The following CTDP1 variants were observed in gnomAD, a reference collection of about 807,000 sequenced individuals.
CTDP1 encodes CTD phosphatase 1.
In CTDP1, 47 loss-of-function variants were observed where a neutral mutation model predicts 91.8. The observed-to-expected ratio is 0.51, with a 90% CI of 0.41 to 0.65. CTDP1 has a LOEUF of 0.65. Ranked by LOEUF, CTDP1 falls within the 30% of genes least tolerant of loss-of-function variation. CTDP1 has a pLI of 0.00. For synonymous variants in CTDP1, 656 were observed against 598.5 expected (o/e 1.10, Z -1.40); for missense variants, 1,272 against 1,373.7 (o/e 0.93, Z 1.17).
rs374774711 is a variant in CTDP1, at chr18:79,715,431, T to C, written c.1971T>C (p.His657=). Residue 657 remains histidine (H), a synonymous_variant, in exon 8 of 13, where the codon CAT becomes CAC. Coordinates refer to ENST00000613122, the MANE Select transcript of CTDP1 (RefSeq NM_004715.5). ...TCCCGATAGAGAAGACGCGGGAGCA[T>C]TACCACGCCACGGCGCTGGGAGCGA... ...TNFPIEKTRE[H]YHATALGAKI... is the part of the protein sequence containing the mutation. 6.3e-7 allele frequency: 1 copy of C among 1,597,598 alleles called. No homozygotes were observed. Among genetic ancestry groups the C allele is most frequent in the Non-Finnish European group, 8.5e-7 (1 of 1,172,132 alleles).
chr18:79,690,754 C>G (rs1490778449), intron 1 of CTDP1, among the ~76,000 whole-genome samples: 1 of 152,228 alleles, frequency 6.6e-6, no homozygotes, highest in Non-Finnish European at 1.5e-5. Flanking sequence ...AGCAGCTTCC[C>G]TGCCTCCAGG....
At chr18:79,690,105 C>T (rs2085588863) in intron 1 of CTDP1, among the ~76,000 whole-genome samples, 3 of 152,198 alleles carry the variant, frequency 2.0e-5, no homozygotes, top group South Asian at 4.1e-4. Flanking sequence ...TACATTTCTA[C>T]ACTCAGAATG....
intron 12 of CTDP1, among the ~76,000 whole-genome samples, chr18:79,743,323 C>T (rs551933562): frequency 3.9e-5 from 6 of 151,916 alleles, no homozygotes; most frequent in African/African-American, 4.8e-5. Flanking sequence ...TTCAGGAGTT[C>T]GAGAACAGCC....
chr18:79,686,080 A>G (rs1189898726), intron 1 of CTDP1, among the ~76,000 whole-genome samples: 3 of 152,112 alleles, frequency 2.0e-5, no homozygotes, highest in African/African-American at 7.2e-5. Context: ...GGGCCTTGTT[A>G]CTTGCTTGGT....
intron 10 of CTDP1, among the ~76,000 whole-genome samples, chr18:79,718,597 TGTG>T (rs2086269534): frequency 6.6e-6 from 1 of 152,152 alleles, no homozygotes; most frequent in East Asian, 1.9e-4. Flanking sequence ...TTCCTGAGCA[TGTG>T]GCCTCTGTGC....
intron 5 of CTDP1, among the ~76,000 whole-genome samples, chr18:79,707,269 C>T (rs1210694293): frequency 6.6e-6 from 1 of 152,192 alleles, no homozygotes; most frequent in African/African-American, 2.4e-5. Context: ...CATGAGGCCT[C>T]GTGTGGTGAG....
chr18:79,723,478 T>G lies in CTDP1; in HGVS notation c.2418-5429T>G, dbSNP rs573803423. Among the ~76,000 whole-genome samples, 15 of 152,374 alleles carry G rather than the reference T, an allele frequency of 9.8e-5. No homozygotes were observed. In the South Asian group the frequency reaches 2.7e-3, roughly 27 times the overall value. The stretch of plus-strand genomic sequence containing the variant: ...CTGGACTGGTCCTCATCTAAGTCTT[T>G]GAACGTTGTACGTTTTTTCTAATTC... On this transcript the variant is annotated intron_variant, in intron 10 of 12. Transcript: ENST00000613122.
At chr18:79,719,212 C>T (rs569589599) in intron 10 of CTDP1, among the ~76,000 whole-genome samples, 7 of 152,294 alleles carry the variant, frequency 4.6e-5, no homozygotes, top group East Asian at 1.9e-4. Flanking sequence ...TTGTCTTTTA[C>T]GATTCTGGAG....
At chr18:79,702,296 C>T (rs542289188) in intron 4 of CTDP1, among the ~76,000 whole-genome samples, 123 of 152,322 alleles carry the variant, frequency 8.1e-4, no homozygotes, top group African/African-American at 2.4e-3. Flanking sequence ...TGAGACCCTG[C>T]GCCGACAGAA....
chr18:79,755,981 A>AG (rs929947397), downstream of CTDP1: 3 of 152,448 alleles, frequency 2.0e-5, no homozygotes, highest in African/African-American at 7.2e-5. Flanking sequence ...CAGAGCATGC[A>AG]GGGGAGATGC....
intron 10 of CTDP1, among the ~76,000 whole-genome samples, chr18:79,719,145 C>T (rs2086282230): frequency 6.6e-6 from 1 of 152,250 alleles, no homozygotes; most frequent in Non-Finnish European, 1.5e-5. Flanking sequence ...GGAGAGGCCG[C>T]TCCCTCTGGA....
At chr18:79,720,256 AC>A (rs1453903620) in intron 10 of CTDP1, among the ~76,000 whole-genome samples, 1 of 126,676 alleles carries the variant, frequency 7.9e-6, no homozygotes, top group Non-Finnish European at 1.6e-5. Context: ...TGGTGATGTC[AC>A]CTCCCATCAT....
At chr18:79,718,660 C>T (rs1022671966) in intron 10 of CTDP1, among the ~76,000 whole-genome samples, 3 of 152,068 alleles carry the variant, frequency 2.0e-5, no homozygotes, top group Admixed American at 2.0e-4. Context: ...AGGTTGTGGC[C>T]CCTGGAGACC....
At chr18:79,692,317 G>T (rs995323649) in intron 1 of CTDP1, among the ~76,000 whole-genome samples, 1 of 152,134 alleles carries the variant, frequency 6.6e-6, no homozygotes, top group Non-Finnish European at 1.5e-5. Flanking sequence ...TTGGTGGGTC[G>T]TCTGTCGGTC....
At position 79,714,610 on chromosome 18, in the gene CTDP1, C is replaced by G. The variant is rs774977125; in HGVS notation, c.1150C>G (p.Leu384Val). ...TGGCCTGGAGAAGCCTGCACGGGAG[C>G]TGAACGGCAGCGAGGCCGCCACCCC... is the stretch of plus-strand genomic sequence containing the variant. ...SNGLEKPARE[L>V]NGSEAATPRD... Residue 384 changes from leucine (L) to valine (V), a missense_variant, in exon 8 of 13, where the codon CTG (leucine) becomes GTG (valine). Around this residue, in one of 3 missense-constraint regions of CTDP1, gnomAD observed 881 missense variants for 911.6 expected, o/e 0.97. Transcript: ENST00000613122. 1 of 1,612,958 alleles carries G rather than the reference C, an allele frequency of 6.2e-7. No homozygotes were observed. Among genetic ancestry groups the G allele is most frequent in the East Asian group, 2.2e-5 (1 of 44,872 alleles).
chr18:79,731,236 C>T (rs1218994331), intron 11 of CTDP1, among the ~76,000 whole-genome samples: 2 of 152,174 alleles, frequency 1.3e-5, no homozygotes, highest in Admixed American at 6.5e-5. Context: ...TGCAGCCCGT[C>T]AGGGGGCCTT....
At chr18:79,696,171 C>T (rs1216052965) in intron 3 of CTDP1, 101 bp downstream of exon 3, 9 of 1,029,844 alleles carry the variant, frequency 8.7e-6, no homozygotes, top group African/African-American at 4.7e-5. Flanking sequence ...GTGTGGTTGT[C>T]ATCGTCGTTA....
intron 12 of CTDP1, among the ~76,000 whole-genome samples, chr18:79,739,558 C>T (rs923679803): frequency 5.9e-5 from 9 of 152,226 alleles, no homozygotes; most frequent in South Asian, 2.1e-4. Flanking sequence ...GGCTCTGGCG[C>T]GGCTTCCATG....
chr18:79,742,181 TGAGA>T (rs35935192), intron 12 of CTDP1, among the ~76,000 whole-genome samples: 18,356 of 99,844 alleles, frequency 0.18, 1,742 homozygotes, highest in Non-Finnish European at 0.23. Context: ...GCATGAAGCA[TGAGA>T]GAGAGAGAGA....
Sources: allele counts gnomAD v4.1 joint callset (sites outside exome capture counted in the v4.1 genomes callset), GRCh38; gene constraint gnomAD v4.1.1; regional missense constraint gnomAD v4.1.1; transcripts MANE v1.5; gene names NCBI Gene and HGNC (gene_info 2026-07-23, HGNC 2026-07-21).